SH2D4B: variants seen among roughly 807,000 people sequenced by gnomAD.
The protein encoded by SH2D4B is SH2 domain-containing protein 4B.
Under a neutral mutation model 61.5 loss-of-function variants are expected in SH2D4B, and 45 were observed. The ratio of observed to expected loss-of-function variants is 0.73; its 90% confidence interval spans 0.58 to 0.94. SH2D4B has a LOEUF of 0.94. Ranked by LOEUF, SH2D4B falls within the 40% of genes least tolerant of loss-of-function variation. The pLI is 0.00. For missense variants in SH2D4B, 572 were observed against 574.2 expected, an observed-to-expected ratio of 1.00 and a Z score of 0.04; for synonymous variants, 224 against 220.4, an observed-to-expected ratio of 1.02 and a Z score of -0.14.
chr10:80,617,513 G>A (rs1351466955), intron 6 of SH2D4B, among the ~76,000 whole-genome samples: 1 of 152,202 alleles, frequency 6.6e-6, no homozygotes, highest in Non-Finnish European at 1.5e-5. Flanking sequence ...TAATTCATTT[G>A]TTGATTATTA....
intron 1 of SH2D4B, among the ~76,000 whole-genome samples, chr10:80,553,845 A>G (rs1841792627): frequency 6.6e-6 from 1 of 152,202 alleles, no homozygotes; most frequent in Non-Finnish European, 1.5e-5. Context: ...AGAGGCATGT[A>G]TGACAGTAAG....
At chr10:80,635,428 C>T (rs187095673) in intron 7 of SH2D4B, among the ~76,000 whole-genome samples, 5 of 152,016 alleles carry the variant, frequency 3.3e-5, no homozygotes, top group Admixed American at 1.3e-4. Context: ...AATGACTTGA[C>T]GGTCTCACTG....
intron 4 of SH2D4B, among the ~76,000 whole-genome samples, chr10:80,600,880 C>T (rs1842444869): frequency 6.6e-6 from 1 of 152,130 alleles, no homozygotes; most frequent in African/African-American, 2.4e-5. Context: ...AAGTCACGGT[C>T]CTTGTAGGGC....
At chr10:80,553,406 G>A (rs911467914) in intron 1 of SH2D4B, among the ~76,000 whole-genome samples, 7 of 152,194 alleles carry the variant, frequency 4.6e-5, no homozygotes, top group Non-Finnish European at 1.0e-4. Flanking sequence ...TAAGGAACAG[G>A]ACTGACAGCA....
intron 1 of SH2D4B, chr10:80,540,767 A>G: frequency 1.3e-6 from 2 of 1,504,506 alleles, no homozygotes; most frequent in Non-Finnish European, 1.8e-6. Flanking sequence ...CGGTGGGTAG[A>G]TGGATCATAG....
intron 3 of SH2D4B, among the ~76,000 whole-genome samples, chr10:80,588,078 G>A (rs1304439889): frequency 6.6e-6 from 1 of 152,088 alleles, no homozygotes; most frequent in Non-Finnish European, 1.5e-5. Flanking sequence ...ACTGCTTGCG[G>A]CACAGAAAGT....
At chr10:80,557,236 T>C (rs1309666710) in intron 1 of SH2D4B, among the ~76,000 whole-genome samples, 4 of 152,168 alleles carry the variant, frequency 2.6e-5, no homozygotes, top group Non-Finnish European at 4.4e-5. Context: ...GATAAAATCA[T>C]ATATGGTCAT....
intron 6 of SH2D4B, 137 bp downstream of exon 6, chr10:80,609,688 C>T (rs1250479525): frequency 7.3e-7 from 1 of 1,365,440 alleles, no homozygotes; most frequent in South Asian, 1.3e-5. Flanking sequence ...GTCCCTCTCC[C>T]AGTGGGAGTC....
Position 80,611,564 on chromosome 10 carries a change from G to A in SH2D4B, c.988+2013G>A, listed in dbSNP as rs117519485. On this transcript the variant is annotated intron_variant, in intron 6 of 7. Transcript: ENST00000646907. ...CCCAGTTATGTGTCCCTGTAGCCCC[G>A]GTAGAACTTCCATTTAAGTCACCAC... Among the ~76,000 whole-genome samples, 826 of 152,218 alleles carry A rather than the reference G, an allele frequency of 5.4e-3. 5 individuals are homozygous for A. Among genetic ancestry groups the A allele is most frequent in the South Asian group, 9.8e-3 (47 of 4,816 alleles).
Position 80,538,684 on chromosome 10 carries a change from CT to C in SH2D4B, c.184+173del, listed in dbSNP as rs1841539392. Among the ~76,000 whole-genome samples, 1 of 152,180 alleles carries C rather than the reference CT, an allele frequency of 6.6e-6. No individual in the cohort carries two copies. Among genetic ancestry groups the C allele is most frequent in the Admixed American group, 6.5e-5 (1 of 15,282 alleles). On this transcript the variant is annotated intron_variant, in intron 1 of 7. Coordinates refer to ENST00000646907, the MANE Select transcript of SH2D4B (RefSeq NM_001388272.1). This position sits in a 1 kb window ranked among gnomAD's most constrained non-coding sequence, Gnocchi z 4.8. Reference sequence around the variant, plus strand: ...AGGTCCCATGAGCCTGTGCTTTTGCCTTTTGGCCAGGACCTTAGGGCTTCGA... The same window carrying C: ...AGGTCCCATGAGCCTGTGCTTTTGCCTTTGGCCAGGACCTTAGGGCTTCGA...
intron 7 of SH2D4B, among the ~76,000 whole-genome samples, chr10:80,643,283 G>A (rs1840338601): frequency 6.7e-6 from 1 of 150,236 alleles, no homozygotes; most frequent in South Asian, 2.1e-4. Flanking sequence ...CTCGTTTCAT[G>A]GATGACTTAT....
chr10:80,550,255 A>C (rs1841740487), intron 1 of SH2D4B, among the ~76,000 whole-genome samples: 1 of 152,140 alleles, frequency 6.6e-6, no homozygotes, highest in Non-Finnish European at 1.5e-5. Context: ...GACCTGGAAG[A>C]TGCACCCCTA....
At chr10:80,606,570 A>T (rs1366611753) in intron 5 of SH2D4B, among the ~76,000 whole-genome samples, 1 of 151,302 alleles carries the variant, frequency 6.6e-6, no homozygotes, top group Non-Finnish European at 1.5e-5. Context: ...CTGGTCTTGA[A>T]CTCCTGACCT....
Position 80,579,179 on chromosome 10 carries a change from C to CA in SH2D4B, c.495+7602dup, listed in dbSNP as rs149091865. On this transcript the variant is annotated intron_variant, in intron 3 of 7. Transcript: ENST00000646907. ...TGGGCTGGGCTCACTTTCTGCAGCT[C>CA]ATGTTGAGGATGTAGGCAGGTTCTG... Among the ~76,000 whole-genome samples the CA allele has an allele frequency of 4.7e-3, 718 of 151,956 alleles. 3 individuals are homozygous for CA. The highest frequency in any genetic ancestry group is 0.017 in the African/African-American group (688 of 41,426).
chr10:80,634,453 G>A lies in SH2D4B; in HGVS notation c.1157G>A (p.Gly386Glu). The A allele has an allele frequency of 1.9e-6, 3 of 1,550,504 alleles. No individual in the cohort carries two copies. The highest frequency in any genetic ancestry group is 1.7e-6 in the Non-Finnish European group (2 of 1,146,994). The change falls in exon 7 of 8, where the codon GGA (glycine) becomes GAA (glutamate). Residue 386 changes from glycine to glutamate, a missense_variant. Physicochemically the swap from Gly to Glu is moderately conservative, Grantham distance 98. Coordinates refer to ENST00000646907, the MANE Select transcript of SH2D4B (RefSeq NM_001388272.1). ...TCTGGGGATTTTTACAGCTTCCTGG[G>A]AGTGGACCCCAATCGCCATGCAACG... ...DASGDFYSFL[G>E]VDPNRHATLT...
intron 1 of SH2D4B, among the ~76,000 whole-genome samples, chr10:80,542,626 C>T (rs1005716268): frequency 2.0e-5 from 3 of 151,950 alleles, no homozygotes; most frequent in Admixed American, 2.0e-4. Context: ...GAACTCTTGA[C>T]CTCAGGTAAT....
chr10:80,615,951 A>G (rs1564784769), intron 6 of SH2D4B, among the ~76,000 whole-genome samples: 2 of 152,218 alleles, frequency 1.3e-5, no homozygotes, highest in African/African-American at 4.8e-5. Context: ...TTGGTTTGTT[A>G]TATGGAATAG....
intron 6 of SH2D4B, among the ~76,000 whole-genome samples, chr10:80,629,227 C>T (rs59616746): frequency 0.15 from 22,442 of 151,702 alleles, 1,738 homozygotes; most frequent in East Asian, 0.2. Flanking sequence ...TATCACATGG[C>T]GAGAGGGGAT....
intron 5 of SH2D4B, among the ~76,000 whole-genome samples, chr10:80,604,238 A>G (rs541847005): frequency 2.1e-4 from 32 of 152,266 alleles, no homozygotes; most frequent in African/African-American, 7.0e-4. Flanking sequence ...TTTTTCTCCA[A>G]TTGGAATAGT....
Sources: allele counts gnomAD v4.1 joint callset (sites outside exome capture counted in the v4.1 genomes callset), GRCh38; gene constraint gnomAD v4.1.1; non-coding constraint Gnocchi (gnomAD v3.1); transcripts MANE v1.5; gene names NCBI Gene and HGNC (gene_info 2026-07-23, HGNC 2026-07-21).